The following CCDC192 variants were observed in gnomAD, a reference collection of about 807,000 sequenced individuals.
CCDC192 encodes the protein coiled-coil domain-containing protein 192.
rs1755278718 is a variant in CCDC192 at position 127,767,259 on chromosome 5, G to A, written c.222+12884G>A. Among the ~76,000 whole-genome samples, 2 of 152,160 alleles carry A rather than the reference G, an allele frequency of 1.3e-5. 1 individual carries two copies. Among genetic ancestry groups the A allele is most frequent in the South Asian group, 4.1e-4 (2 of 4,830 alleles). On this transcript the variant is annotated intron_variant, in intron 3 of 6. Coordinates refer to ENST00000514853, the MANE Select transcript of CCDC192 (RefSeq NM_001317938.2). The stretch of plus-strand genomic sequence containing the variant: ...CTGTAGGATCTAGGATTCCACACAA[G>A]GGTTTCTGGTGGGACGAGAAAGGGC...
At chr5:127,707,420 G>A (rs539792532) in intron 1 of CCDC192, among the ~76,000 whole-genome samples, 1 of 142,572 alleles carries the variant, frequency 7.0e-6, no homozygotes, top group African/African-American at 2.6e-5. Flanking sequence ...TTTTTTTTTA[G>A]TTGAAATACA....
intron 5 of CCDC192, among the ~76,000 whole-genome samples, chr5:127,824,308 C>T (rs941515988): frequency 6.6e-6 from 1 of 152,064 alleles, no homozygotes; most frequent in Non-Finnish European, 1.5e-5. Context: ...AGAAAGGTAC[C>T]GGAATTGCTC....
chr5:127,850,252 G>T (rs1023484900), intron 5 of CCDC192, among the ~76,000 whole-genome samples: 1 of 152,160 alleles, frequency 6.6e-6, no homozygotes. Flanking sequence ...CTAAAATTCA[G>T]CTACATTCTG....
intron 5 of CCDC192, among the ~76,000 whole-genome samples, chr5:127,853,330 C>T (rs1750889240): frequency 6.6e-6 from 1 of 152,160 alleles, no homozygotes; most frequent in Non-Finnish European, 1.5e-5. Flanking sequence ...AAATTCTTCC[C>T]TTTCTCAAAC....
intron 2 of CCDC192, among the ~76,000 whole-genome samples, chr5:127,708,448 TTAGC>T (rs1409351690): frequency 6.6e-6 from 1 of 152,186 alleles, no homozygotes; most frequent in East Asian, 1.9e-4. Flanking sequence ...AAGAAAAACA[TTAGC>T]TATCTATATT....
intron 6 of CCDC192, among the ~76,000 whole-genome samples, chr5:127,889,867 C>G (rs1342884476): frequency 6.7e-6 from 1 of 148,378 alleles, no homozygotes; most frequent in South Asian, 2.1e-4. Context: ...TGCCACTGGT[C>G]AACAGTTTTA....
chr5:127,734,376 G>A lies in CCDC192; in HGVS notation c.115-19892G>A, dbSNP rs1278080795. Among the ~76,000 whole-genome samples the A allele has an allele frequency of 2.0e-4, 30 of 151,924 alleles. No individual in the cohort carries two copies. In the East Asian group the frequency reaches 2.7e-3, roughly 14 times the overall value. ...AGTCTTTGCTATTGGGAATAATGCC[G>A]CAATAAACATACGTGTGCATGTGTC... On this transcript the variant is annotated intron_variant, in intron 2 of 6. Transcript: ENST00000514853.
intron 3 of CCDC192, among the ~76,000 whole-genome samples, chr5:127,775,583 T>C (rs1755811182): frequency 6.6e-6 from 1 of 152,194 alleles, no homozygotes; most frequent in East Asian, 1.9e-4. Context: ...CTTAGCGTCA[T>C]CACACCTGAA....
chr5:127,875,331 G>T (rs1752030412), intron 5 of CCDC192, among the ~76,000 whole-genome samples: 1 of 152,062 alleles, frequency 6.6e-6, no homozygotes, highest in Non-Finnish European at 1.5e-5. Flanking sequence ...AAGAGAGTGG[G>T]CTTTTTTTTG....
At chr5:127,891,195 G>A (rs1752721224) in intron 6 of CCDC192, among the ~76,000 whole-genome samples, 1 of 151,500 alleles carries the variant, frequency 6.6e-6, no homozygotes, top group Non-Finnish European at 1.5e-5. Flanking sequence ...TGGGATTACA[G>A]GTGCCTGCCA....
intron 2 of CCDC192, among the ~76,000 whole-genome samples, chr5:127,738,830 T>A (rs1753198858): frequency 6.6e-6 from 1 of 152,176 alleles, no homozygotes; most frequent in Non-Finnish European, 1.5e-5. Flanking sequence ...TTACACATTC[T>A]TCTAAATTTT....
intron 3 of CCDC192, among the ~76,000 whole-genome samples, chr5:127,760,701 CAAAAAAAAAAAA>C (rs56177728): frequency 1.8e-5 from 1 of 54,942 alleles, no homozygotes; most frequent in Non-Finnish European, 3.5e-5. Flanking sequence ...GATTCTGTCT[CAAAAAAAAAAAA>C]AAAAAAAAAA....
At chr5:127,785,305 G>T in intron 3 of CCDC192, 1 of 472,288 alleles carries the variant, frequency 2.1e-6, no homozygotes, top group Non-Finnish European at 4.2e-6. Flanking sequence ...TGCTTAAAGG[G>T]CCAGGACCCA....
At position 127,719,468 on chromosome 5, in the gene CCDC192, GACACAT is replaced by G. The variant is rs1486574691; in HGVS notation, c.114+11712_114+11717del. On this transcript the variant is annotated intron_variant, in intron 2 of 6. Transcript: ENST00000514853. ...ATATATATACATACATATATATACAGACACATACATATATATATATATATATACACA... is the reference window on the plus strand; with the variant it reads ...ATATATATACATACATATATATACAGACATATATATATATATATATACACA... Among the ~76,000 whole-genome samples, 76 of 102,884 alleles carry G rather than the reference GACACAT, an allele frequency of 7.4e-4. No individual in the cohort carries two copies. In the Middle Eastern group the frequency reaches 0.017, roughly 23 times the overall value. The allele number at this position is 102,884 out of a possible 152,430, so 67.5% of individuals were successfully genotyped here.
At chr5:127,826,961 T>G (rs200595373) in intron 5 of CCDC192, among the ~76,000 whole-genome samples, 1 of 152,184 alleles carries the variant, frequency 6.6e-6, no homozygotes, top group Non-Finnish European at 1.5e-5. Flanking sequence ...TTTTCATCAG[T>G]GTGCTTTTCT....
At chr5:127,716,464 A>G (rs943711062) in intron 2 of CCDC192, among the ~76,000 whole-genome samples, 3 of 152,162 alleles carry the variant, frequency 2.0e-5, no homozygotes, top group African/African-American at 7.2e-5. Context: ...AAGAATTGAT[A>G]TTAGTTCTTC....
At chr5:127,764,451 C>T (rs1159676603) in intron 3 of CCDC192, among the ~76,000 whole-genome samples, 1 of 152,042 alleles carries the variant, frequency 6.6e-6, no homozygotes, top group African/African-American at 2.4e-5. Flanking sequence ...CTGTGGTTAC[C>T]CAACTATCTT....
intron 2 of CCDC192, among the ~76,000 whole-genome samples, chr5:127,722,828 G>T (rs1182608959): frequency 6.6e-6 from 1 of 151,984 alleles, no homozygotes; most frequent in Non-Finnish European, 1.5e-5. Flanking sequence ...TTTCATTTTT[G>T]TGCCAGTATC....
chr5:127,851,265 A>G (rs1044701088), intron 5 of CCDC192, among the ~76,000 whole-genome samples: 8 of 152,218 alleles, frequency 5.3e-5, no homozygotes, highest in African/African-American at 1.9e-4. Flanking sequence ...ATGTTATCAG[A>G]CAGGCCAATT....
Sources: gnomAD v4.1 joint callset for allele counts (sites outside exome capture counted in the v4.1 genomes callset) on GRCh38, gnomAD v4.1.1 for gene constraint, MANE v1.5 for transcripts, NCBI Gene and HGNC (gene_info 2026-07-23, HGNC 2026-07-21) for gene names.